Variants in LILRB1 observed in about 807,000 individuals in gnomAD.
LILRB1 encodes the protein leukocyte immunoglobulin-like receptor subfamily B member 1.
In LILRB1, 59 loss-of-function variants were observed where a neutral mutation model predicts 74.6. The ratio of observed to expected loss-of-function variants is 0.79; its 90% CI spans 0.64 to 0.98. The LOEUF is 0.98. Among genes scored for constraint, LILRB1 ranks in the 50% least tolerant of loss-of-function variants. The pLI is 0.00. For synonymous variants in LILRB1, 328 were observed against 333.9 expected (o/e 0.98, Z 0.19); for missense variants, 804 against 822.6 (o/e 0.98, Z 0.28).
chr19:54,634,523 T>G (rs1331565993), intron 9 of LILRB1, 118 bp from the exon 10 acceptor site: 3 of 1,526,284 alleles, frequency 2.0e-6, no homozygotes, highest in Non-Finnish European at 2.7e-6. Context: ...GATGTTTCTG[T>G]GCTGCACGAC....
At chr19:54,623,648 C>T (rs1438414452) in intron 1 of LILRB1, among the ~76,000 whole-genome samples, 1 of 152,142 alleles carries the variant, frequency 6.6e-6, no homozygotes, top group Non-Finnish European at 1.5e-5. Context: ...TTGTCTCAAT[C>T]TCATTCTTTA....
rs532254024 is a variant in LILRB1, at chr19:54,618,753, AT to A, written c.-166+1405del. The stretch of plus-strand genomic sequence containing the variant: ...ACTACTGAGATATTGGTTAAAAAAA[AT>A]AACTTTATATTTAACCATAAGTTCC... On this transcript the variant is annotated intron_variant, in intron 1 of 15. Transcript: ENST00000396331. Among the ~76,000 whole-genome samples the A allele has an allele frequency of 7.6e-3, 1,157 of 152,268 alleles. 16 individuals carry two copies. The highest frequency in any genetic ancestry group is 0.026 in the African/African-American group (1,101 of 41,562).
At chr19:54,634,948 A>G in intron 10 of LILRB1, 156 bp from the exon 11 acceptor site, 2 of 1,443,868 alleles carry the variant, frequency 1.4e-6, no homozygotes, top group South Asian at 2.7e-5. Context: ...GCCATCTACA[A>G]ATGTAAAGTG....
chr19:54,632,282 C>T lies in LILRB1; in HGVS notation c.661+45C>T, dbSNP rs372704526. The T allele has an allele frequency of 1.3e-5, 21 of 1,574,610 alleles. No individual in the cohort carries two copies. The Admixed American group carries it at 1.8e-4, about 13-fold the overall frequency. ...GCCTGGAGTTCCCTGAGTCTCCAGG[C>T]AGGTGGGGAGCAGCCGCGTCTCAGG... On this transcript the variant is annotated intron_variant, in intron 5 of 14. Coordinates refer to ENST00000324602, the MANE Select transcript of LILRB1 (RefSeq NM_001081637.3).
At chr19:54,624,723 T>A (rs2555694) in intron 1 of LILRB1, among the ~76,000 whole-genome samples, 2 of 152,128 alleles carry the variant, frequency 1.3e-5, no homozygotes, top group East Asian at 3.9e-4. Context: ...GACTGGGTTT[T>A]GGCTGCTCCG....
At chr19:54,624,186 G>T (rs1314913847) in intron 1 of LILRB1, among the ~76,000 whole-genome samples, 1 of 152,210 alleles carries the variant, frequency 6.6e-6, no homozygotes, top group African/African-American at 2.4e-5. Context: ...CCAGTGATGA[G>T]TGCAGGCACT....
At chr19:54,627,335 C>T (rs568456328), upstream of LILRB1, among the ~76,000 whole-genome samples, 6 of 152,318 alleles carry the variant, frequency 3.9e-5, no homozygotes, top group East Asian at 1.2e-3. Context: ...GTAACCCAAT[C>T]CCTTCACTGC....
chr19:54,632,537 G>A lies in LILRB1; in HGVS notation c.735G>A (p.Gln245=), dbSNP rs201906215. Residue 245 remains glutamine (Q), a synonymous_variant, in exon 6 of 15, where the codon CAG becomes CAA. Coordinates refer to ENST00000324602, the MANE Select transcript of LILRB1 (RefSeq NM_001081637.3). Reference sequence around the variant, plus strand: ...CCCCTGAGGAGACCCTGACTCTGCAGTGTGGCTCTGATGCTGGCTACAACA... The same window carrying A: ...CCCCTGAGGAGACCCTGACTCTGCAATGTGGCTCTGATGCTGGCTACAACA... ...IVAPEETLTL[Q]CGSDAGYNRF... 129 of 1,614,158 alleles carry A rather than the reference G, an allele frequency of 8.0e-5. 1 individual carries two copies. In the East Asian group the frequency reaches 2.8e-3, roughly 35 times the overall value.
upstream of LILRB1, among the ~76,000 whole-genome samples, chr19:54,628,955 C>T (rs1271605736): frequency 2.6e-5 from 4 of 152,194 alleles, no homozygotes; most frequent in Admixed American, 2.0e-4. Flanking sequence ...CCAGGAACCG[C>T]AGGTGAAAAC....
intron 7 of LILRB1, 137 bp from the exon 8 acceptor site, chr19:54,633,501 G>C: frequency 8.4e-7 from 1 of 1,191,474 alleles, no homozygotes. Flanking sequence ...CAGTGGCATC[G>C]CCAGCATCAT....
upstream of LILRB1, among the ~76,000 whole-genome samples, chr19:54,616,582 C>A (rs2063318099): frequency 6.6e-6 from 1 of 152,164 alleles, no homozygotes; most frequent in Non-Finnish European, 1.5e-5. Flanking sequence ...CCCGACCTCC[C>A]TTTGGTTGAC....
Position 54,636,813 on chromosome 19 carries a change from C to T in LILRB1, c.1894C>T (p.Pro632Ser). The T allele has an allele frequency of 1.2e-6, 2 of 1,613,488 alleles. No individual in the cohort carries two copies. The highest frequency in any genetic ancestry group is 1.3e-5 in the African/African-American group (1 of 74,998). Reference protein sequence around the residue: ...LTLRREATEPPPSQEGPSPAV... With the variant: ...LTLRREATEPSPSQEGPSPAV... ...CCTCAGACGGGAGGCAACTGAGCCT[C>T]CTCCATCCCAGGAAGGGCCCTCTCC... Residue 632 changes from proline to serine, a missense_variant, in exon 15 of 15, where the codon CCT (proline) becomes TCT (serine). Pro to Ser is a moderately conservative substitution (Grantham distance 74). Coordinates refer to ENST00000324602, the MANE Select transcript of LILRB1 (RefSeq NM_001081637.3).
At chr19:54,635,654 C>T (rs1246604223) in intron 13 of LILRB1, 45 bp downstream of exon 13, 1 of 1,599,680 alleles carries the variant, frequency 6.3e-7, no homozygotes, top group Non-Finnish European at 8.6e-7. Context: ...CTCCTGGTGC[C>T]AGATCTAATC....
intron 13 of LILRB1, 167 bp downstream of exon 13, chr19:54,635,776 C>T (rs762106112): frequency 5.8e-6 from 5 of 857,256 alleles, no homozygotes; most frequent in East Asian, 4.9e-5. Context: ...CTCCTGCTGT[C>T]CTGGGACCTC....
rs1344879548 is a variant in LILRB1, at chr19:54,636,624, CG to C, written c.1786del (p.Glu596LysfsTer19). 1.9e-6 allele frequency: 3 copies of C among 1,610,146 alleles called. No individual in the cohort carries two copies. The African/African-American group carries it at 4.0e-5, about 22-fold the overall frequency. On this transcript the variant is annotated frameshift_variant, in exon 14 of 15. Coordinates refer to ENST00000324602, the MANE Select transcript of LILRB1 (RefSeq NM_001081637.3). LOFTEE classifies it low-confidence loss of function (END_TRUNC). Reference protein sequence around the residue: ...GEFLDTKDRQAEEDRQMDTEA... With the variant: ...GEFLDTKDRQXEEDRQMDTEA... ...TTCCTGGACACAAAGGACAGACAGG[CG>C]GAAGAGGACAGGCAGATGGACACTG...
chr19:54,623,216 T>C (rs1191308636), intron 1 of LILRB1, among the ~76,000 whole-genome samples: 2 of 152,216 alleles, frequency 1.3e-5, no homozygotes, highest in African/African-American at 2.4e-5. Context: ...CTTGATTTTT[T>C]GGAATACTTT....
At chr19:54,624,373 AGGCCACAGTGT>A (rs1459215654) in intron 1 of LILRB1, among the ~76,000 whole-genome samples, 2 of 151,930 alleles carry the variant, frequency 1.3e-5, no homozygotes, top group African/African-American at 4.8e-5. Flanking sequence ...GTCTCTCCCC[AGGCCACAGTGT>A]GGCTGAGGGC....
chr19:54,635,042 G>A lies in LILRB1; in HGVS notation c.1487-62G>A, dbSNP rs2064269109. 2.4e-6 allele frequency: 3 copies of A among 1,251,398 alleles called. No individual in the cohort carries two copies. In the South Asian group the frequency reaches 4.5e-5, roughly 19 times the overall value. The allele number at this position is 1,251,398 out of a possible 1,614,324, so 77.5% of individuals were successfully genotyped here. On this transcript the variant is annotated intron_variant, in intron 10 of 14. Transcript: ENST00000324602. The stretch of plus-strand genomic sequence containing the variant: ...AGGTTTCCTTCCTTACCTTCGAGCT[G>A]TGTGTGCAGGGCAGGGGGCTCCAAT...
At position 54,634,177 on chromosome 19, in the gene LILRB1, G is replaced by A. The variant is rs934863405; in HGVS notation, c.1363+156G>A. 1.0e-3 allele frequency: 1,540 copies of A among 1,504,034 alleles called. 28 individuals carry two copies. In the South Asian group the frequency reaches 0.019, roughly 18 times the overall value. 93.2% of individuals were successfully genotyped at this position (1,504,034 alleles called of 1,614,324 possible). A position where few individuals can be genotyped will look rare whatever the true frequency, so the allele number is the denominator to read the frequency against. ...CCAAATGTAAAGGTGAGAGGCCTGC[G>A]GGTGGGAAAGTTCCTTTCAGCTCTG... On this transcript the variant is annotated intron_variant, in intron 9 of 14. Coordinates refer to ENST00000324602, the MANE Select transcript of LILRB1 (RefSeq NM_001081637.3).
Sources: gnomAD v4.1 joint callset for allele counts (sites outside exome capture counted in the v4.1 genomes callset) on GRCh38, gnomAD v4.1.1 for gene constraint, MANE v1.5 for transcripts, NCBI Gene and HGNC (gene_info 2026-07-23, HGNC 2026-07-21) for gene names.